Variants in ANKRD30B observed in about 807,000 individuals in gnomAD.
The protein encoded by ANKRD30B is ankyrin repeat domain-containing protein 30B.
ANKRD30B carries 144 observed loss-of-function variants against 202.2 expected under a neutral mutation model. That is an observed-to-expected ratio of 0.71 (90% CI 0.62 to 0.82). The LOEUF (loss-of-function observed/expected upper bound fraction) is 0.82, where lower values mean the gene tolerates loss of function less well. Ranked by LOEUF, ANKRD30B falls within the 40% of genes least tolerant of loss-of-function variation. The pLI, the probability that ANKRD30B is intolerant of heterozygous loss-of-function variation, is 0.00. For missense variants in ANKRD30B, 1,487 were observed against 1,669.1 expected (o/e 0.89, Z 1.90); for synonymous variants, 508 against 561.3 (o/e 0.91, Z 1.34).
chr18:14,759,880 C>T (rs1176348126), intron 5 of ANKRD30B, among the ~76,000 whole-genome samples: 1 of 152,112 alleles, frequency 6.6e-6, no homozygotes, highest in African/African-American at 2.4e-5. Flanking sequence ...ACATTACAAC[C>T]TATGAAGAAA....
At chr18:14,794,983 C>T (rs1968775664) in intron 16 of ANKRD30B, among the ~76,000 whole-genome samples, 1 of 152,126 alleles carries the variant, frequency 6.6e-6, no homozygotes, top group Non-Finnish European at 1.5e-5. Flanking sequence ...TGAAGCTAAG[C>T]TTTCTATAAA....
At position 14,808,774 on chromosome 18, in the gene ANKRD30B, G is replaced by T. The variant is rs1279575417; in HGVS notation, c.2386+30G>T. The T allele has an allele frequency of 3.9e-5, 55 of 1,410,142 alleles. No individual in the cohort carries two copies. In the East Asian group the frequency reaches 9.0e-4, roughly 23 times the overall value. 87.4% of individuals were successfully genotyped at this position (1,410,142 alleles called of 1,614,324 possible). A position where few individuals can be genotyped will look rare whatever the true frequency, so the allele number is the denominator to read the frequency against. ...ATTTTGTAATTTAAATTTTAATCTG[G>T]AATTAAGAATATTAAACTATTTGAA... On this transcript the variant is annotated intron_variant, in intron 26 of 43. Transcript: ENST00000690538.
intron 30 of ANKRD30B, among the ~76,000 whole-genome samples, chr18:14,818,251 CTG>C (rs977657436): frequency 1.6e-4 from 25 of 152,054 alleles, no homozygotes; most frequent in African/African-American, 4.8e-4. Context: ...AATAATAAAA[CTG>C]TTATTTTCAG....
chr18:14,770,450 G>T (rs1180982912), intron 8 of ANKRD30B, among the ~76,000 whole-genome samples: 1 of 152,092 alleles, frequency 6.6e-6, no homozygotes, highest in African/African-American at 2.4e-5. Flanking sequence ...ATATCATCAT[G>T]TAGGTGAGTG....
chr18:14,795,154 A>AG (rs781523033), intron 16 of ANKRD30B, among the ~76,000 whole-genome samples: 69 of 152,364 alleles, frequency 4.5e-4, no homozygotes, highest in Middle Eastern at 6.8e-3. Flanking sequence ...ATATGTAAAA[A>AG]GTCTCTGGAA....
chr18:14,827,575 G>C (rs1970718958), intron 32 of ANKRD30B, among the ~76,000 whole-genome samples: 1 of 152,114 alleles, frequency 6.6e-6, no homozygotes, highest in African/African-American at 2.4e-5. Flanking sequence ...CCACACATTT[G>C]GTCGCAGATG....
chr18:14,927,823 A>G, the ANKRD30B span, among the ~76,000 whole-genome samples: 6 of 152,220 alleles, frequency 3.9e-5, no homozygotes, highest in Non-Finnish European at 8.8e-5. Context: ...TATACCAGCT[A>G]TGTCCAGCCC....
At chr18:14,914,667 T>G in the ANKRD30B span, among the ~76,000 whole-genome samples, 1 of 152,268 alleles carries the variant, frequency 6.6e-6, no homozygotes, top group South Asian at 2.1e-4. Context: ...AATGAGGAAG[T>G]AAGGGTGTTG....
chr18:14,868,312 C>T, the ANKRD30B span, among the ~76,000 whole-genome samples: 1 of 152,280 alleles, frequency 6.6e-6, no homozygotes, highest in African/African-American at 2.4e-5. Context: ...AGGAGGAGTC[C>T]TCCCCCTTCT....
chr18:14,914,863 T>A, the ANKRD30B span, among the ~76,000 whole-genome samples: 298 of 152,288 alleles, frequency 2.0e-3, 2 homozygotes, highest in Non-Finnish European at 3.7e-3. Context: ...CATAGGGGTC[T>A]GAAGCTCAGA....
chr18:14,797,799 A>T lies in ANKRD30B; in HGVS notation c.1974A>T (p.Lys658Asn), dbSNP rs1249110294. ...CCATTTAGCCTACCTGTGGAAGGAA[A>T]GTTTCTCTTCCAAATAAAGCCTTAG... ...DGLLKPTCGR[K>N]VSLPNKALEL... Residue 658 changes from lysine to asparagine, a missense_variant, in exon 20 of 44, where the codon AAA (lysine) becomes AAT (asparagine). By Grantham distance (94) the Lys-to-Asn change is moderately conservative. Coordinates refer to ENST00000690538, the MANE Select transcript of ANKRD30B (RefSeq NM_001367607.2). The T allele has an allele frequency of 6.4e-7, 1 of 1,557,272 alleles. No individual in the cohort carries two copies. The highest frequency in any genetic ancestry group is 2.4e-5 in the East Asian group (1 of 41,088).
chr18:14,935,632 ATG>A, the ANKRD30B span, among the ~76,000 whole-genome samples: 1 of 152,126 alleles, frequency 6.6e-6, no homozygotes, highest in African/African-American at 2.4e-5. Flanking sequence ...GTGTATTTAT[ATG>A]TGTGTGTCTC....
At chr18:14,879,082 C>G in the ANKRD30B span, among the ~76,000 whole-genome samples, 4 of 151,728 alleles carry the variant, frequency 2.6e-5, no homozygotes, top group South Asian at 2.1e-4. Flanking sequence ...CGGGGGACAC[C>G]GCGAAGGCAG....
the ANKRD30B span, among the ~76,000 whole-genome samples, chr18:14,860,349 GGCTGCCGGGCAGA>G: frequency 9.6e-6 from 1 of 103,816 alleles, no homozygotes; most frequent in Non-Finnish European, 2.0e-5. Flanking sequence ...TCCCAGACAG[GGCTGCCGGGCAGA>G]GGCGCTCCTC....
chr18:14,824,658 G>T (rs1223933497), intron 32 of ANKRD30B, among the ~76,000 whole-genome samples: 1 of 152,220 alleles, frequency 6.6e-6, no homozygotes, highest in East Asian at 1.9e-4. Flanking sequence ...TTGGAAGCCA[G>T]CAATGTTTTC....
chr18:14,768,169 G>A (rs1916546148), intron 7 of ANKRD30B, among the ~76,000 whole-genome samples: 1 of 152,132 alleles, frequency 6.6e-6, no homozygotes, highest in Admixed American at 6.5e-5. Flanking sequence ...TTTTATTCAT[G>A]CCTATGTAAT....
chr18:14,784,438 T>A, intron 13 of ANKRD30B, 25 bp from the exon 14 acceptor site: 1 of 1,613,014 alleles, frequency 6.2e-7, no homozygotes, highest in Non-Finnish European at 8.5e-7. Flanking sequence ...TCTTTATTGA[T>A]CATTTTTCTT....
At chr18:14,868,323 C>A in the ANKRD30B span, among the ~76,000 whole-genome samples, 5 of 152,402 alleles carry the variant, frequency 3.3e-5, no homozygotes, top group East Asian at 5.8e-4. Flanking sequence ...TCCCCCTTCT[C>A]CTGCAGTCTC....
chr18:14,866,040 T>C, the ANKRD30B span, among the ~76,000 whole-genome samples: 1 of 152,154 alleles, frequency 6.6e-6, no homozygotes, highest in Non-Finnish European at 1.5e-5. Flanking sequence ...TGAAAGAAAG[T>C]CTTAGGACAA....
Sources: gnomAD v4.1 joint callset for allele counts (sites outside exome capture counted in the v4.1 genomes callset) on GRCh38, gnomAD v4.1.1 for gene constraint, MANE v1.5 for transcripts, NCBI Gene and HGNC (gene_info 2026-07-23, HGNC 2026-07-21) for gene names.